The following IL1RAPL1 variants were observed in gnomAD, a reference collection of about 807,000 sequenced individuals.
IL1RAPL1 encodes interleukin 1 receptor accessory protein like 1.
IL1RAPL1 carries 3 observed loss-of-function variants against 48.4 expected under a neutral mutation model. The ratio of observed to expected loss-of-function variants is 0.06; its 90% CI spans 0.03 to 0.16. IL1RAPL1 has a LOEUF of 0.16. IL1RAPL1 is among the 10% of genes least tolerant of loss of function. The pLI is 1.00. For missense variants in IL1RAPL1, 349 were observed against 530.6 expected (o/e 0.66, Z 3.36); for synonymous variants, 185 against 187.7 (o/e 0.99, Z 0.12).
chrX:29,387,953 G>A (rs751593844), intron 3 of IL1RAPL1, among the ~76,000 whole-genome samples: 17 of 106,170 alleles, frequency 1.6e-4, no homozygotes, highest in Admixed American at 5.1e-4. Context: ...AAATCATGCC[G>A]CTGCACTCCA....
chrX:29,022,346 C>T (rs755815931), intron 2 of IL1RAPL1, among the ~76,000 whole-genome samples: 1 of 111,464 alleles, frequency 9.0e-6, no homozygotes, highest in Non-Finnish European at 1.9e-5. Flanking sequence ...ACTTATCATT[C>T]CTATGGTAAA....
intron 2 of IL1RAPL1, among the ~76,000 whole-genome samples, chrX:29,085,648 T>C (rs1355944315): frequency 2.7e-5 from 3 of 111,833 alleles, no homozygotes; most frequent in Admixed American, 1.9e-4. Context: ...TGACAGTTTA[T>C]ATCACTCAAA....
chrX:28,632,508 T>G (rs183874909), intron 1 of IL1RAPL1, among the ~76,000 whole-genome samples: 1 of 112,025 alleles, frequency 8.9e-6, no homozygotes, highest in East Asian at 2.8e-4. Context: ...AGAAGGGGGC[T>G]TTTAAAAACT....
chrX:29,329,658 C>G (rs1932868057), intron 3 of IL1RAPL1, among the ~76,000 whole-genome samples: 1 of 109,497 alleles, frequency 9.1e-6, no homozygotes, highest in Admixed American at 9.8e-5. Flanking sequence ...ACTAAAAATA[C>G]AAAAATTAGC....
chrX:29,182,599 C>G (rs1302609050), intron 2 of IL1RAPL1, among the ~76,000 whole-genome samples: 1 of 101,128 alleles, frequency 9.9e-6, no homozygotes, highest in East Asian at 3.0e-4. Context: ...TCACCTTTGT[C>G]AATGTCTAAA....
intron 6 of IL1RAPL1, among the ~76,000 whole-genome samples, chrX:29,907,136 C>G (rs988159115): frequency 9.0e-6 from 1 of 111,321 alleles, no homozygotes; most frequent in African/African-American, 3.3e-5. Flanking sequence ...AGTTGAATAT[C>G]TGGAATGTCA....
intron 1 of IL1RAPL1, among the ~76,000 whole-genome samples, chrX:28,626,887 T>A (rs752896663): frequency 8.9e-6 from 1 of 112,173 alleles, no homozygotes; most frequent in South Asian, 3.7e-4. Flanking sequence ...ATCTCTTGGG[T>A]CCTGGATCTA....
At chrX:29,499,928 T>G (rs1316060774) in intron 5 of IL1RAPL1, among the ~76,000 whole-genome samples, 1 of 111,884 alleles carries the variant, frequency 8.9e-6, no homozygotes, top group Non-Finnish European at 1.9e-5. Flanking sequence ...CCTTAAATAT[T>G]TGATCTTTCT....
At chrX:29,947,130 C>T (rs1419808403) in intron 9 of IL1RAPL1, among the ~76,000 whole-genome samples, 1 of 111,503 alleles carries the variant, frequency 9.0e-6, no homozygotes, top group Non-Finnish European at 1.9e-5. Context: ...GGGCAAGCTA[C>T]TGTCTTTAGA....
intron 3 of IL1RAPL1, 42 bp downstream of exon 3, chrX:29,283,259 A>G (rs746470929): frequency 1.7e-6 from 2 of 1,156,731 alleles, no homozygotes; most frequent in Non-Finnish European, 2.4e-6. Context: ...AAGAAAGCAC[A>G]GGCTGCTTTC....
intron 3 of IL1RAPL1, among the ~76,000 whole-genome samples, chrX:29,295,350 G>A (rs749562679): frequency 8.9e-6 from 1 of 111,857 alleles, no homozygotes; most frequent in Non-Finnish European, 1.9e-5. Flanking sequence ...TTCCCCCATC[G>A]CTGGTTTGCC....
intron 6 of IL1RAPL1, among the ~76,000 whole-genome samples, chrX:29,693,784 C>A (rs1926839029): frequency 9.0e-6 from 1 of 110,704 alleles, no homozygotes; most frequent in East Asian, 2.8e-4. Context: ...CTTTTTAACA[C>A]CTATAACATG....
rs776478379 is a variant in IL1RAPL1 at position 29,313,470 on chromosome X, G to A, written c.362+30253G>A. Among the ~76,000 whole-genome samples, 175 of 111,878 alleles carry A rather than the reference G, an allele frequency of 1.6e-3. 1 individual carries two copies. Among genetic ancestry groups the A allele is most frequent in the African/African-American group, 5.2e-3 (161 of 30,820 alleles). ...ATAATACTCTTCAAGAGTTTCCTCA[G>A]TTTCCTTCAAAATATGTTCTATGGC... On this transcript the variant is annotated intron_variant, in intron 3 of 10. Coordinates refer to ENST00000378993, the MANE Select transcript of IL1RAPL1 (RefSeq NM_014271.4).
At chrX:28,993,934 A>G (rs1286289632) in intron 2 of IL1RAPL1, among the ~76,000 whole-genome samples, 1 of 111,796 alleles carries the variant, frequency 8.9e-6, no homozygotes, top group Non-Finnish European at 1.9e-5. Context: ...ATTTTATTCA[A>G]CAAATACTTG....
At chrX:29,049,069 G>T (rs1927036507) in intron 2 of IL1RAPL1, among the ~76,000 whole-genome samples, 1 of 112,223 alleles carries the variant, frequency 8.9e-6, no homozygotes, top group Admixed American at 9.5e-5. Flanking sequence ...TGTGACACAT[G>T]CTTTTCTAGC....
intron 7 of IL1RAPL1, among the ~76,000 whole-genome samples, chrX:29,918,961 T>A (rs1932825709): frequency 8.9e-6 from 1 of 112,241 alleles, no homozygotes; most frequent in Admixed American, 9.4e-5. Flanking sequence ...AAAGATTGCA[T>A]CTTCTGGGTA....
intron 3 of IL1RAPL1, among the ~76,000 whole-genome samples, chrX:29,328,748 G>A (rs909892497): frequency 4.5e-5 from 5 of 109,922 alleles, no homozygotes; most frequent in African/African-American, 1.7e-4. Context: ...TAACGTCATG[G>A]AGGGCAGCTC....
intron 6 of IL1RAPL1, among the ~76,000 whole-genome samples, chrX:29,697,510 T>C (rs1601783820): frequency 8.9e-6 from 1 of 112,417 alleles, no homozygotes; most frequent in East Asian, 2.8e-4. Context: ...TGTGTGTGTG[T>C]GTTTGTGTTT....
Position 28,779,634 on chromosome X carries a change from GTATATA to G in IL1RAPL1, c.-24-9647_-24-9642del, listed in dbSNP as rs1183080798. On this transcript the variant is annotated intron_variant, in intron 1 of 10. Coordinates refer to ENST00000378993, the MANE Select transcript of IL1RAPL1 (RefSeq NM_014271.4). ...GATACTATTATGTGTGTGTGTGTGTGTATATATATATATATATATATATATATATAT... is the reference window on the plus strand; with the variant it reads ...GATACTATTATGTGTGTGTGTGTGTGTATATATATATATATATATATATAT... 9.6e-3 allele frequency among the ~76,000 whole-genome samples: 369 copies of G among 38,285 alleles called. 1 individual carries two copies. Among genetic ancestry groups the G allele is most frequent in the Middle Eastern group, 0.027 (1 of 37 alleles). The allele number at this position is 38,285 out of a possible 115,157, so 33.2% of individuals were successfully genotyped here. A position where few individuals can be genotyped will look rare whatever the true frequency, so the allele number is the denominator to read the frequency against.
Sources: allele counts gnomAD v4.1 joint callset (sites outside exome capture counted in the v4.1 genomes callset), GRCh38; gene constraint gnomAD v4.1.1; transcripts MANE v1.5; gene names NCBI Gene and HGNC (gene_info 2026-07-23, HGNC 2026-07-21).